CPT1C: variants seen among roughly 807,000 people sequenced by gnomAD.
CPT1C encodes the protein carnitine palmitoyltransferase 1C, also known as palmitoyl thioesterase CPT1C.
Under a neutral mutation model 97.3 loss-of-function variants are expected in CPT1C, and 61 were observed. That is an observed-to-expected ratio of 0.63 (90% CI 0.51 to 0.78). The LOEUF is 0.78. CPT1C is among the 30% of genes least tolerant of loss of function. CPT1C has a pLI of 0.00. For missense variants in CPT1C, 975 were observed against 1,065.5 expected (o/e 0.92, Z 1.18); for synonymous variants, 469 against 447.2 (o/e 1.05, Z -0.61).
At position 49,710,719 on chromosome 19, in the gene CPT1C, C is replaced by T. The variant is rs772334076; in HGVS notation, c.1732-4C>T. On this transcript the variant is annotated splice_polypyrimidine_tract_variant and splice_region_variant and intron_variant, in intron 15 of 19. Transcript: ENST00000598293. ...AGACTCCTCTTCTCCTCCCTGTCCC[C>T]CAGGACAGGGGTCAATTCTGCCTGA... 1.2e-6 allele frequency: 2 copies of T among 1,610,896 alleles called. No individual in the cohort carries two copies. Among genetic ancestry groups the T allele is most frequent in the Non-Finnish European group, 8.5e-7 (1 of 1,177,652 alleles).
At chr19:49,707,375 A>G in intron 12 of CPT1C, 143 bp from the exon 13 acceptor site, 1 of 638,874 alleles carries the variant, frequency 1.6e-6, no homozygotes, top group Non-Finnish European at 2.8e-6. Context: ...GGGGACCCCC[A>G]ATGGTCCTAG....
Position 49,691,263 on chromosome 19 carries a change from G to T in CPT1C, c.-161G>T. The T allele has an allele frequency of 6.6e-6, 1 of 152,236 alleles. No individual in the cohort carries two copies. The highest frequency in any genetic ancestry group is 2.1e-4 in the South Asian group (1 of 4,818). The allele number at this position is 152,236 out of a possible 1,614,324, so 9.4% of individuals were successfully genotyped here. On this transcript the variant is annotated 5_prime_UTR_variant, in exon 1 of 20. Transcript: ENST00000598293. ...ATATGCAAGCGGGAGATTTGGGGCC[G>T]GCGCTCAAAATCGGGGGGCGGGGGT...
rs181225621 is a variant in CPT1C, at chr19:49,708,797, A to T, written c.1524A>T (p.Thr508=). 1.7e-5 allele frequency: 27 copies of T among 1,613,856 alleles called. No homozygotes were observed. Among genetic ancestry groups the T allele is most frequent in the Non-Finnish European group, 2.2e-5 (26 of 1,179,916 alleles). The change falls in exon 14 of 20, where the codon ACA becomes ACT. Residue 508 remains threonine, a synonymous_variant. Transcript: ENST00000598293. ...DGHCKGHPDP[T]LPQPQRLQWD... The stretch of plus-strand genomic sequence containing the variant: ...ACTGCAAGGGGCACCCGGACCCCAC[A>T]CTACCCCAGCCCCAGCGGCTGCAAT...
intron 7 of CPT1C, among the ~76,000 whole-genome samples, chr19:49,703,563 T>TCCCCCCTCCCTC (rs1568525312): frequency 1.6e-5 from 1 of 61,626 alleles, no homozygotes; most frequent in Non-Finnish European, 2.8e-5. Flanking sequence ...TGTCTCTCTC[T>TCCCCCCTCCCTC]CCTCCCTCCC....
In CPT1C at chr19:49,694,064, CA is replaced by C. The variant is rs920616977; in HGVS notation, c.141+1680del. Among the ~76,000 whole-genome samples the C allele has an allele frequency of 3.9e-3, 497 of 128,842 alleles. 3 individuals carry two copies. The highest frequency in any genetic ancestry group is 0.013 in the African/African-American group (464 of 35,758). The allele number at this position is 128,842 out of a possible 152,430, so 84.5% of individuals were successfully genotyped here. On this transcript the variant is annotated intron_variant, in intron 3 of 19. Transcript: ENST00000598293. Reference sequence around the variant, plus strand: ...TGGGCGACAGAGCGAGACTCCGTCTCAAAAAAAAATAAAATAAAATAAAAAA... The same window carrying C: ...TGGGCGACAGAGCGAGACTCCGTCTCAAAAAAAATAAAATAAAATAAAAAA...
intron 17 of CPT1C, chr19:49,712,259 C>T (rs1445346171): frequency 1.0e-5 from 4 of 387,996 alleles, no homozygotes; most frequent in African/African-American, 4.1e-5. Flanking sequence ...CAATAGAATC[C>T]CTTGAACCCG....
At chr19:49,705,599 A>G (rs958307967) in intron 10 of CPT1C, among the ~76,000 whole-genome samples, 6 of 152,088 alleles carry the variant, frequency 3.9e-5, no homozygotes, top group Non-Finnish European at 5.9e-5. Context: ...GTCTATATAC[A>G]AAATTTAAAA....
intron 14 of CPT1C, 127 bp from the exon 15 acceptor site, chr19:49,710,190 CTTT>C: frequency 5.7e-6 from 5 of 884,846 alleles, no homozygotes; most frequent in Non-Finnish European, 1.8e-6. Flanking sequence ...CTCTTCTCTT[CTTT>C]GTCCCCATTT....
rs939274476 is a variant in CPT1C, at chr19:49,712,664, G to A, written c.2020-72G>A. 2.7e-6 allele frequency: 3 copies of A among 1,126,438 alleles called. 1 individual carries two copies. The South Asian group carries it at 3.7e-5, about 14-fold the overall frequency. 69.8% of individuals were successfully genotyped at this position (1,126,438 alleles called of 1,614,324 possible). ...GGGTAAAAAAAAAGCCAGGGATGCA[G>A]GGAGTGAAGTGGAGCCAAGGGCCGG... On this transcript the variant is annotated intron_variant, in intron 17 of 19. Coordinates refer to ENST00000598293, the MANE Select transcript of CPT1C (RefSeq NM_001199753.2).
Position 49,711,947 on chromosome 19 carries a change from C to T in CPT1C, c.2005C>T (p.Pro669Ser). ...GTCCCGATTCCTCCACCTGCAGTCG[C>T]CCTTCCTGACCCAGGTTGGGGCACA... ...IVSRFLHLQS[P>S]FLTQVHSEQW... The change falls in exon 17 of 20, where the codon CCC (proline) becomes TCC (serine). Residue 669 changes from proline to serine, a missense_variant. Pro to Ser is a moderately conservative substitution (Grantham distance 74). Coordinates refer to ENST00000598293, the MANE Select transcript of CPT1C (RefSeq NM_001199753.2). The T allele has an allele frequency of 6.2e-7, 1 of 1,613,962 alleles. No homozygotes were observed. Among genetic ancestry groups the T allele is most frequent in the Middle Eastern group, 1.7e-4 (1 of 6,060 alleles).
chr19:49,712,472 T>G (rs1600159550), intron 17 of CPT1C: 4 of 469,682 alleles, frequency 8.5e-6, no homozygotes, highest in East Asian at 3.8e-5. Context: ...GGGGAGAGGG[T>G]CAGTGGGGTG....
At chr19:49,712,384 C>T (rs1170092419) in intron 17 of CPT1C, 2 of 331,366 alleles carry the variant, frequency 6.0e-6, no homozygotes, top group East Asian at 7.0e-5. Flanking sequence ...AGAAAGGATG[C>T]GTCAGCAGAG....
intron 3 of CPT1C, 111 bp from the exon 4 acceptor site, chr19:49,697,215 C>T: frequency 7.2e-7 from 1 of 1,380,896 alleles, no homozygotes; most frequent in Non-Finnish European, 1.0e-6. Flanking sequence ...AGATCTTGAG[C>T]CTCCAGCTCA....
intron 4 of CPT1C, among the ~76,000 whole-genome samples, chr19:49,698,587 C>T (rs895012812): frequency 6.0e-5 from 9 of 151,222 alleles, no homozygotes; most frequent in African/African-American, 1.2e-4. Flanking sequence ...CACTTGAACC[C>T]GGGAGGCGGA....
chr19:49,693,193 T>A (rs920131180), intron 3 of CPT1C, among the ~76,000 whole-genome samples: 5 of 152,300 alleles, frequency 3.3e-5, no homozygotes, highest in African/African-American at 1.2e-4. Context: ...TCCTGCTCTG[T>A]CCCTGTTCTG....
At chr19:49,701,870 GTATA>G (rs1350748839) in intron 7 of CPT1C, among the ~76,000 whole-genome samples, 1 of 105,570 alleles carries the variant, frequency 9.5e-6, no homozygotes, top group Non-Finnish European at 1.9e-5. Flanking sequence ...AATATATAGT[GTATA>G]TATAAATATA....
At position 49,701,321 on chromosome 19, in the gene CPT1C, T is replaced by G; in HGVS notation, c.458T>G (p.Leu153Arg). Reference sequence around the variant, plus strand: ...CCGGTAACTCCTCCTCCCCAGGCCCTGGTCCGCATCTTCTCTGGCCGCCAC... The same window carrying G: ...CCGGTAACTCCTCCTCCCCAGGCCCGGGTCCGCATCTTCTCTGGCCGCCAC... ...MSSPTKTWLA[L>R]VRIFSGRHPM... Residue 153 changes from leucine to arginine, a missense_variant, in exon 6 of 20, where the codon CTG becomes CGG. Physicochemically the swap from Leu to Arg is moderately radical, Grantham distance 102. Transcript: ENST00000598293. The G allele has an allele frequency of 2.5e-6, 4 of 1,612,202 alleles. No individual in the cohort carries two copies. The highest frequency in any genetic ancestry group is 2.5e-6 in the Non-Finnish European group (3 of 1,179,452).
At chr19:49,705,402 G>C in intron 10 of CPT1C, 104 bp downstream of exon 10, 1 of 969,814 alleles carries the variant, frequency 1.0e-6, no homozygotes, top group East Asian at 2.5e-5. Context: ...TTGCTTCCTT[G>C]CTGTGTGACC....
chr19:49,704,122 G>A (rs189635006), intron 7 of CPT1C, among the ~76,000 whole-genome samples: 1 of 152,296 alleles, frequency 6.6e-6, no homozygotes, highest in African/African-American at 2.4e-5. Flanking sequence ...TTACACATAT[G>A]TATATTATTT....
Sources: gnomAD v4.1 joint callset for allele counts (sites outside exome capture counted in the v4.1 genomes callset) on GRCh38, gnomAD v4.1.1 for gene constraint, MANE v1.5 for transcripts, NCBI Gene and HGNC (gene_info 2026-07-23, HGNC 2026-07-21) for gene names.